Variants in RIT2 observed in about 807,000 individuals in gnomAD.
RIT2 encodes the protein Ras like without CAAX 2.
Under a neutral mutation model 23.7 loss-of-function variants are expected in RIT2, and 24 were observed. That is an observed-to-expected ratio of 1.01 (90% CI 0.73 to 1.43). The LOEUF (loss-of-function observed/expected upper bound fraction) is 1.43, where lower values mean the gene tolerates loss of function less well. RIT2 is among the 40% of genes most tolerant of loss of function. The pLI is 0.00. For synonymous variants in RIT2, 107 were observed against 91.1 expected (o/e 1.17, Z -0.99); for missense variants, 236 against 266.9 (o/e 0.88, Z 0.81).
At chr18:42,981,281 C>A (rs577410462) in intron 2 of RIT2, among the ~76,000 whole-genome samples, 26 of 152,208 alleles carry the variant, frequency 1.7e-4, no homozygotes, top group Admixed American at 5.9e-4. Context: ...TACCTGTCTT[C>A]CAGAGGTTGT....
chr18:42,960,396 C>A (rs976299776), intron 3 of RIT2, among the ~76,000 whole-genome samples: 2 of 152,286 alleles, frequency 1.3e-5, no homozygotes, highest in Non-Finnish European at 1.5e-5. Flanking sequence ...CTCACCGCAA[C>A]CTCTGCCTCC....
intron 4 of RIT2, among the ~76,000 whole-genome samples, chr18:42,826,237 A>G (rs1335536821): frequency 2.0e-5 from 3 of 152,044 alleles, no homozygotes; most frequent in Admixed American, 1.3e-4. Flanking sequence ...ACTCTCTTAC[A>G]TCCATTTTAC....
chr18:42,796,972 T>G (rs1905383334), intron 4 of RIT2, among the ~76,000 whole-genome samples: 1 of 152,220 alleles, frequency 6.6e-6, no homozygotes, highest in Non-Finnish European at 1.5e-5. Context: ...CCTTTTTTCC[T>G]GAATTTACCT....
chr18:42,874,235 G>C (rs1411509056), intron 4 of RIT2, among the ~76,000 whole-genome samples: 1 of 152,118 alleles, frequency 6.6e-6, no homozygotes, highest in Non-Finnish European at 1.5e-5. Context: ...AGTTTAAATA[G>C]AGCTTGAGTA....
At chr18:43,110,320 C>T (rs1913924539) in intron 1 of RIT2, among the ~76,000 whole-genome samples, 1 of 151,186 alleles carries the variant, frequency 6.6e-6, no homozygotes, top group Admixed American at 6.6e-5. Context: ...AGAATAAATC[C>T]CAAATGCAGA....
In RIT2 at chr18:42,943,310, C is replaced by T. The variant is rs181221976; in HGVS notation, c.235-19547G>A. ...ATGCTGATTGGTGCATTTTCCAATC[C>T]TCTTGCTAGCTATGGAGCACTGATT... On this transcript the variant is annotated intron_variant, in intron 3 of 4. Coordinates refer to ENST00000326695, the MANE Select transcript of RIT2 (RefSeq NM_002930.4). Among the ~76,000 whole-genome samples the T allele has an allele frequency of 1.1e-3, 167 of 152,064 alleles. 1 individual carries two copies. In the Middle Eastern group the frequency reaches 0.017, roughly 15 times the overall value.
intron 4 of RIT2, among the ~76,000 whole-genome samples, chr18:42,827,058 A>G (rs1175777411): frequency 6.6e-6 from 1 of 152,154 alleles, no homozygotes; most frequent in Non-Finnish European, 1.5e-5. Context: ...TAAAACAAAC[A>G]AGCAAACCAA....
intron 3 of RIT2, among the ~76,000 whole-genome samples, chr18:42,953,490 G>C (rs1273132446): frequency 6.6e-6 from 1 of 152,102 alleles, no homozygotes; most frequent in Non-Finnish European, 1.5e-5. Context: ...TAAAACTATA[G>C]GAGGCATTTG....
intron 4 of RIT2, among the ~76,000 whole-genome samples, chr18:42,745,035 G>T (rs975210554): frequency 3.3e-5 from 5 of 152,128 alleles, no homozygotes; most frequent in South Asian, 2.1e-4. Flanking sequence ...TATTAGAAGA[G>T]TTTAAAGAAT....
At position 42,882,889 on chromosome 18, in the gene RIT2, G is replaced by A. The variant is rs1013124607; in HGVS notation, c.426+40683C>T. 4.6e-5 allele frequency among the ~76,000 whole-genome samples: 7 copies of A among 152,150 alleles called. No homozygotes were observed. The East Asian group carries it at 9.7e-4, about 21-fold the overall frequency. On this transcript the variant is annotated intron_variant, in intron 4 of 4. Transcript: ENST00000326695. ...AGGCACATTTGTAGATTTATGATAC[G>A]CCTTCCCCTAACACTTATATAACAT...
intron 1 of RIT2, among the ~76,000 whole-genome samples, chr18:43,084,548 T>C (rs997361496): frequency 2.0e-5 from 3 of 152,156 alleles, no homozygotes; most frequent in African/African-American, 7.2e-5. Flanking sequence ...TGGAAAACTA[T>C]GCAGCCATAA....
At chr18:42,874,662 C>CTTA (rs1265819822) in intron 4 of RIT2, among the ~76,000 whole-genome samples, 1 of 152,050 alleles carries the variant, frequency 6.6e-6, no homozygotes, top group Non-Finnish European at 1.5e-5. Context: ...ACATTTCTCC[C>CTTA]TTTAATAAGG....
chr18:42,812,863 AGAGT>A (rs1482079921), intron 4 of RIT2, among the ~76,000 whole-genome samples: 4 of 152,230 alleles, frequency 2.6e-5, no homozygotes. Flanking sequence ...GTAATCATAC[AGAGT>A]ATTTCTCAAA....
chr18:43,107,897 C>T (rs974673797), intron 1 of RIT2, among the ~76,000 whole-genome samples: 4 of 151,952 alleles, frequency 2.6e-5, no homozygotes, highest in African/African-American at 4.8e-5. Context: ...GGTGCAGTGG[C>T]TCACGCCTGT....
chr18:42,938,866 G>C (rs1339787147), intron 3 of RIT2, among the ~76,000 whole-genome samples: 1 of 152,068 alleles, frequency 6.6e-6, no homozygotes, highest in Non-Finnish European at 1.5e-5. Flanking sequence ...AGCCTCCTGA[G>C]TAGCTAGGAC....
chr18:42,804,705 A>G (rs1905634577), intron 4 of RIT2, among the ~76,000 whole-genome samples: 1 of 152,164 alleles, frequency 6.6e-6, no homozygotes, highest in African/African-American at 2.4e-5. Context: ...GTCAACTGTC[A>G]CAGCCCACTG....
At chr18:42,843,496 C>T (rs1032815894) in intron 4 of RIT2, among the ~76,000 whole-genome samples, 2 of 152,218 alleles carry the variant, frequency 1.3e-5, no homozygotes, top group Admixed American at 1.3e-4. Flanking sequence ...GGTGTGACCA[C>T]CTGTCTGGAA....
chr18:43,103,645 G>T (rs953251523), intron 1 of RIT2, among the ~76,000 whole-genome samples: 42 of 152,146 alleles, frequency 2.8e-4, no homozygotes, highest in Admixed American at 2.6e-3. Context: ...AGATCAAATC[G>T]AACAAATTGA....
chr18:42,898,423 T>C (rs1210452333), intron 4 of RIT2, among the ~76,000 whole-genome samples: 4 of 151,996 alleles, frequency 2.6e-5, no homozygotes, highest in Admixed American at 2.0e-4. Context: ...AAGAGAAGTG[T>C]GGGCAATTGT....
Sources: allele counts gnomAD v4.1 joint callset (sites outside exome capture counted in the v4.1 genomes callset), GRCh38; gene constraint gnomAD v4.1.1; transcripts MANE v1.5; gene names NCBI Gene and HGNC (gene_info 2026-07-23, HGNC 2026-07-21).